The following RETREG1 variants were observed in gnomAD, a reference collection of about 807,000 sequenced individuals.
RETREG1 encodes the protein reticulophagy regulator 1, also known as family with sequence similarity 134 member B.
A neutral mutation model predicts 54.8 loss-of-function variants in RETREG1; 44 were observed. The observed-to-expected ratio is 0.80, with a 90% confidence interval of 0.63 to 1.03. The LOEUF is 1.03. Among genes scored for constraint, RETREG1 ranks in the 50% least tolerant of loss-of-function variants. RETREG1 has a pLI of 0.00. For synonymous variants in RETREG1, 217 were observed against 238.5 expected (o/e 0.91, Z 0.83); for missense variants, 554 against 605.1 (o/e 0.92, Z 0.89).
At chr5:16,510,544 C>T (rs1490623331) in intron 3 of RETREG1, among the ~76,000 whole-genome samples, 2 of 151,984 alleles carry the variant, frequency 1.3e-5, no homozygotes, top group African/African-American at 4.8e-5. Flanking sequence ...AATCCTAGCA[C>T]TTTGGGAGGC....
chr5:16,565,518 C>T (rs1176426817), intron 3 of RETREG1, among the ~76,000 whole-genome samples: 1 of 152,252 alleles, frequency 6.6e-6, no homozygotes, highest in East Asian at 1.9e-4. Flanking sequence ...AATCCTCACA[C>T]ATGATTCTCA....
At chr5:16,586,644 T>A (rs953259364) in intron 1 of RETREG1, among the ~76,000 whole-genome samples, 10 of 152,200 alleles carry the variant, frequency 6.6e-5, no homozygotes, top group African/African-American at 2.4e-4. Flanking sequence ...TCAAATATTA[T>A]CTGATTCTAT....
Position 16,594,635 on chromosome 5 carries a change from A to C in RETREG1, c.320+22017T>G, listed in dbSNP as rs1481594951. 1.3e-5 allele frequency among the ~76,000 whole-genome samples: 2 copies of C among 152,092 alleles called. No homozygotes were observed. The highest frequency in any genetic ancestry group is 4.8e-5 in the African/African-American group (2 of 41,428). ...AGATACTCGGGAGGCTGAGGCAGGA[A>C]AATCGCTTGAATCCAGGAGGCGGAG... On this transcript the variant is annotated intron_variant, in intron 1 of 8. Transcript: ENST00000306320. The surrounding 1 kb of genome is among the most constrained non-coding windows in gnomAD (Gnocchi z 4.4).
In RETREG1 at chr5:16,539,485, G is replaced by A. The variant is rs375557996; in HGVS notation, c.458+26278C>T. ...TTCATAATCCCGGGCCCGGTCGGTC[G>A]GAGCGAGCCAGGAGACAAGGAAAGG... On this transcript the variant is annotated intron_variant, in intron 3 of 8. Transcript: ENST00000306320. Among the ~76,000 whole-genome samples the A allele has an allele frequency of 9.9e-5, 15 of 152,062 alleles. No individual in the cohort carries two copies. The South Asian group carries it at 1.9e-3, about 19-fold the overall frequency.
intron 1 of RETREG1, among the ~76,000 whole-genome samples, chr5:16,589,618 G>A (rs1258015547): frequency 6.6e-6 from 1 of 152,066 alleles, no homozygotes. Flanking sequence ...CGCCTGCCTC[G>A]GCCTCCCAAA....
intron 5 of RETREG1, 75 bp downstream of exon 5, chr5:16,480,934 A>T: frequency 1.0e-6 from 1 of 981,656 alleles, no homozygotes; most frequent in Non-Finnish European, 1.6e-6. Context: ...CCCCCTCTTC[A>T]AACTACAGGT....
intron 3 of RETREG1, among the ~76,000 whole-genome samples, chr5:16,528,653 A>G (rs1002554450): frequency 1.3e-5 from 2 of 152,238 alleles, no homozygotes; most frequent in African/African-American, 4.8e-5. Context: ...AAGAAGGGAC[A>G]AGGTAAAGTT....
intron 3 of RETREG1, among the ~76,000 whole-genome samples, chr5:16,525,656 T>C (rs868066742): frequency 3.9e-4 from 60 of 152,190 alleles, no homozygotes; most frequent in African/African-American, 1.4e-3. Flanking sequence ...AACTAGGGGA[T>C]CAATTTAAGC....
chr5:16,523,111 C>T lies in RETREG1; in HGVS notation c.459-39639G>A, dbSNP rs931804451. On this transcript the variant is annotated intron_variant, in intron 3 of 8. Transcript: ENST00000306320. ...ATTTACAGAAGAGTTACAAAGAGAG[C>T]TCCTGATCTCTCTCACCCAGTTTTC... 2.0e-5 allele frequency among the ~76,000 whole-genome samples: 3 copies of T among 152,242 alleles called. No homozygotes were observed. In the East Asian group the frequency reaches 5.8e-4, roughly 29 times the overall value.
At chr5:16,508,971 C>G (rs1740078619) in intron 3 of RETREG1, 1 of 1,059,310 alleles carries the variant, frequency 9.4e-7, no homozygotes, top group African/African-American at 1.7e-5. Flanking sequence ...AGAAGGTGTC[C>G]CCGCTCAGCC....
intron 1 of RETREG1, among the ~76,000 whole-genome samples, chr5:16,586,787 C>T (rs539209417): frequency 1.3e-5 from 2 of 152,226 alleles, no homozygotes; most frequent in Non-Finnish European, 2.9e-5. Context: ...CAAAATACCA[C>T]AGGCAGGGTG....
intron 1 of RETREG1, among the ~76,000 whole-genome samples, chr5:16,607,552 T>C (rs892218343): frequency 2.6e-5 from 4 of 152,006 alleles, no homozygotes; most frequent in Non-Finnish European, 5.9e-5. Context: ...AGGCGGAGAC[T>C]GCAGTGAGCC....
chr5:16,520,620 G>A (rs778914400), intron 3 of RETREG1, among the ~76,000 whole-genome samples: 102 of 152,130 alleles, frequency 6.7e-4, no homozygotes, highest in Non-Finnish European at 1.2e-3. Context: ...TAGCCACCGC[G>A]CCCAGCCAAT....
At position 16,570,249 on chromosome 5, in the gene RETREG1, G is replaced by A. The variant is rs144537736; in HGVS notation, c.427+1747C>T. On this transcript the variant is annotated intron_variant, in intron 2 of 8. Coordinates refer to ENST00000306320, the MANE Select transcript of RETREG1 (RefSeq NM_001034850.3). ...ATTCTACTACCTTAATTTTTTTAAAGGACTGAATTCTTGCAATGTAAAGGT... is the reference window on the plus strand; with the variant it reads ...ATTCTACTACCTTAATTTTTTTAAAAGACTGAATTCTTGCAATGTAAAGGT... Among the ~76,000 whole-genome samples, 214 of 152,266 alleles carry A rather than the reference G, an allele frequency of 1.4e-3. 2 individuals are homozygous for A. Among genetic ancestry groups the A allele is most frequent in the African/African-American group, 4.9e-3 (203 of 41,540 alleles).
intron 3 of RETREG1, among the ~76,000 whole-genome samples, chr5:16,509,729 G>T (rs184805788): frequency 6.6e-6 from 1 of 152,290 alleles, no homozygotes; most frequent in Admixed American, 6.5e-5. Flanking sequence ...AGGTGCTGTG[G>T]CTCACGCCTG....
chr5:16,598,196 G>A (rs1040411676), intron 1 of RETREG1, among the ~76,000 whole-genome samples: 2 of 152,094 alleles, frequency 1.3e-5, no homozygotes, highest in East Asian at 3.9e-4. Context: ...CAGCAACCTG[G>A]CCAACGCCTA....
intron 3 of RETREG1, among the ~76,000 whole-genome samples, chr5:16,533,137 C>T (rs184463177): frequency 5.7e-4 from 86 of 152,158 alleles, no homozygotes; most frequent in African/African-American, 1.8e-3. Flanking sequence ...CTCCGCCTCC[C>T]GGGTTCACGC....
intron 3 of RETREG1, among the ~76,000 whole-genome samples, chr5:16,563,539 T>C (rs31284): frequency 0.95 from 144,880 of 152,240 alleles, 69,046 homozygotes; most frequent in East Asian, 1. Flanking sequence ...GGATTACAAA[T>C]GTAAGCCACC....
chr5:16,478,844 A>C lies in RETREG1; in HGVS notation c.808+6T>G. 6.2e-7 allele frequency: 1 copy of C among 1,611,026 alleles called. No individual in the cohort carries two copies. The highest frequency in any genetic ancestry group is 1.1e-5 in the South Asian group (1 of 90,970). On this transcript the variant is annotated splice_donor_region_variant and intron_variant, in intron 6 of 8. Coordinates refer to ENST00000306320, the MANE Select transcript of RETREG1 (RefSeq NM_001034850.3). ...GCATAGAATCTAAAATATAAACTTTACCTACCAGATCTCTCACGTTTCTTC... is the reference window on the plus strand; with the variant it reads ...GCATAGAATCTAAAATATAAACTTTCCCTACCAGATCTCTCACGTTTCTTC...
Sources: gnomAD v4.1 joint callset for allele counts (sites outside exome capture counted in the v4.1 genomes callset) on GRCh38, gnomAD v4.1.1 for gene constraint, Gnocchi (gnomAD v3.1) non-coding constraint, MANE v1.5 for transcripts, NCBI Gene and HGNC (gene_info 2026-07-23, HGNC 2026-07-21) for gene names.